Variants in SHROOM2 observed in about 807,000 individuals in gnomAD.
SHROOM2 encodes the protein shroom family member 2.
Under a neutral mutation model 75.9 loss-of-function variants are expected in SHROOM2, and 33 were observed. That is an observed-to-expected ratio of 0.43 (90% CI 0.33 to 0.58). The LOEUF (loss-of-function observed/expected upper bound fraction) is 0.58. Among genes scored for constraint, SHROOM2 ranks in the 20% least tolerant of loss-of-function variants. SHROOM2 has a pLI of 0.04. For missense variants in SHROOM2, 1,434 were observed against 1,461.2 expected, an observed-to-expected ratio of 0.98 and a Z score of 0.30; for synonymous variants, 655 against 663.6, an observed-to-expected ratio of 0.99 and a Z score of 0.20.
chrX:9,943,898 T>G (rs1333681440), intron 8 of SHROOM2, among the ~76,000 whole-genome samples: 1 of 111,287 alleles, frequency 9.0e-6, no homozygotes, highest in Non-Finnish European at 1.9e-5. Flanking sequence ...TTTTAATTGC[T>G]AGGCCAGGCC....
Position 9,903,852 on chromosome X carries a change from T to TA in SHROOM2, c.2891+5563dup, listed in dbSNP as rs201193798. Among the ~76,000 whole-genome samples, 1,036 of 111,619 alleles carry TA rather than the reference T, an allele frequency of 9.3e-3. 15 individuals are homozygous for TA. Among genetic ancestry groups the TA allele is most frequent in the African/African-American group, 0.031 (950 of 30,675 alleles). On this transcript the variant is annotated intron_variant, in intron 5 of 9. Coordinates refer to ENST00000380913, the MANE Select transcript of SHROOM2 (RefSeq NM_001649.4). ...GAGCCACCACACCTGGCCTTGTTTT[T>TA]ATGCCTTACTTTGCAACTACAATTT...
At chrX:9,934,322 C>T (rs1003573168) in intron 6 of SHROOM2, among the ~76,000 whole-genome samples, 13 of 111,223 alleles carry the variant, frequency 1.2e-4, no homozygotes, top group Non-Finnish European at 2.3e-4. Context: ...AATTTTTTTT[C>T]TTAGCTTCTA....
intron 2 of SHROOM2, 86 bp downstream of exon 2, chrX:9,873,889 A>G (rs866150686): frequency 5.0e-5 from 50 of 992,504 alleles, no homozygotes; most frequent in Middle Eastern, 6.3e-4. Context: ...TCCTGCCCAC[A>G]TCACTACAGA....
Position 9,842,285 on chromosome X carries a change from T to C in SHROOM2, c.166-31367T>C, listed in dbSNP as rs1193433673. ...CACGATTGCTGCATTTAGAAAACTT[T>C]TAAAATTTTATTTAAAAAAATAGAT... On this transcript the variant is annotated intron_variant, in intron 1 of 9. Coordinates refer to ENST00000380913, the MANE Select transcript of SHROOM2 (RefSeq NM_001649.4). 2.7e-5 allele frequency among the ~76,000 whole-genome samples: 3 copies of C among 112,720 alleles called. No individual in the cohort carries two copies. In the Admixed American group the frequency reaches 2.8e-4, roughly 11 times the overall value.
chrX:9,925,092 C>T (rs1010123588), intron 5 of SHROOM2, among the ~76,000 whole-genome samples: 10 of 111,845 alleles, frequency 8.9e-5, no homozygotes, highest in African/African-American at 1.3e-4. Flanking sequence ...TGGGCTCCAT[C>T]GCCTTCCCCA....
chrX:9,791,912 T>G (rs1283949428), intron 1 of SHROOM2, among the ~76,000 whole-genome samples: 1 of 107,248 alleles, frequency 9.3e-6, no homozygotes, highest in East Asian at 2.9e-4. Context: ...AGGCAGAGGT[T>G]GTGGTGAGCT....
At chrX:9,897,467 C>G (rs1300636505) in intron 4 of SHROOM2, among the ~76,000 whole-genome samples, 1 of 106,570 alleles carries the variant, frequency 9.4e-6, no homozygotes, top group Non-Finnish European at 1.9e-5. Flanking sequence ...ATTTGCAGTT[C>G]TAGTACTTTG....
chrX:9,896,383 G>T lies in SHROOM2; in HGVS notation c.2475G>T (p.Lys825Asn). The change falls in exon 4 of 10, where the codon AAG becomes AAT. Residue 825 changes from lysine to asparagine, a missense_variant. Coordinates refer to ENST00000380913, the MANE Select transcript of SHROOM2 (RefSeq NM_001649.4). ...CTCTTCACGGAATCCCGAGAGACAAGCCAGAGAGGCCGCGGACAGCGGGCC... is the reference window on the plus strand; with the variant it reads ...CTCTTCACGGAATCCCGAGAGACAATCCAGAGAGGCCGCGGACAGCGGGCC... Reference protein sequence around the residue: ...KQALHGIPRDKPERPRTAGRT... With the variant: ...KQALHGIPRDNPERPRTAGRT... 8.2e-7 allele frequency: 1 copy of T among 1,212,437 alleles called. No individual in the cohort carries two copies. Among genetic ancestry groups the T allele is most frequent in the Non-Finnish European group, 1.1e-6 (1 of 895,700 alleles).
chrX:9,935,445 G>T (rs900545817), intron 6 of SHROOM2, among the ~76,000 whole-genome samples: 1 of 111,023 alleles, frequency 9.0e-6, no homozygotes, highest in Non-Finnish European at 1.9e-5. Flanking sequence ...CTCCCACAGT[G>T]CTGGGATTCC....
At chrX:9,862,086 A>G (rs146940926) in intron 1 of SHROOM2, among the ~76,000 whole-genome samples, 66 of 112,473 alleles carry the variant, frequency 5.9e-4, no homozygotes, top group Middle Eastern at 4.6e-3. Context: ...ACAGTTGCAC[A>G]GAGATCGTGT....
chrX:9,895,622 G>A lies in SHROOM2; in HGVS notation c.1714G>A (p.Ala572Thr). 1 of 1,163,950 alleles carries A rather than the reference G, an allele frequency of 8.6e-7. No homozygotes were observed. Residue 572 changes from alanine (A) to threonine (T), a missense_variant, in exon 4 of 10, where the codon GCA becomes ACA. Physicochemically the swap from Ala to Thr is moderately conservative, Grantham distance 58. This residue lies in a region of SHROOM2 where 1,340 missense variants were observed against 1,338.3 expected (regional missense o/e 1.00). Coordinates refer to ENST00000380913, the MANE Select transcript of SHROOM2 (RefSeq NM_001649.4). ...SQRLAASITW[A>T]DGESSRICPQ... Reference sequence around the variant, plus strand: ...GAGGCTGGCAGCCAGCATCACGTGGGCAGATGGGGAGAGCAGCAGGATCTG... The same window carrying A: ...GAGGCTGGCAGCCAGCATCACGTGGACAGATGGGGAGAGCAGCAGGATCTG...
At chrX:9,889,847 CAG>C (rs2084280783) in intron 2 of SHROOM2, among the ~76,000 whole-genome samples, 1 of 111,898 alleles carries the variant, frequency 8.9e-6, no homozygotes, top group South Asian at 3.8e-4. Context: ...TAAATAGACA[CAG>C]ATAAGCTGTC....
chrX:9,824,830 C>T (rs914290267), intron 1 of SHROOM2, among the ~76,000 whole-genome samples: 7 of 111,228 alleles, frequency 6.3e-5, no homozygotes, highest in African/African-American at 2.3e-4. Flanking sequence ...CTGTTTTCAC[C>T]ATCAGGACGT....
At chrX:9,852,279 C>G (rs2084045088) in intron 1 of SHROOM2, among the ~76,000 whole-genome samples, 1 of 112,763 alleles carries the variant, frequency 8.9e-6, no homozygotes, top group African/African-American at 3.2e-5. Context: ...TAGATTTTTT[C>G]CCCATGCTTT....
At chrX:9,846,114 T>G (rs191386668) in intron 1 of SHROOM2, among the ~76,000 whole-genome samples, 106 of 107,974 alleles carry the variant, frequency 9.8e-4, no homozygotes, top group African/African-American at 3.5e-3. Flanking sequence ...AACCTCAGTT[T>G]GTTTGGTTTT....
intron 3 of SHROOM2, 47 bp downstream of exon 3, chrX:9,891,155 G>A (rs1345332186): frequency 5.2e-6 from 6 of 1,153,204 alleles, no homozygotes; most frequent in African/African-American, 1.8e-5. Context: ...TCAGCCTTCT[G>A]CAGGGAGCGC....
intron 5 of SHROOM2, among the ~76,000 whole-genome samples, chrX:9,926,064 G>A (rs1240638250): frequency 8.9e-6 from 1 of 111,811 alleles, no homozygotes; most frequent in Non-Finnish European, 1.9e-5. Context: ...TAGGTGCTCA[G>A]CAGGTGCCTG....
rs746183969 is a variant in SHROOM2, at chrX:9,896,107, C to T, written c.2199C>T (p.Ala733=). 1.7e-6 allele frequency: 2 copies of T among 1,210,047 alleles called. No homozygotes were observed. Among genetic ancestry groups the T allele is most frequent in the African/African-American group, 3.4e-5 (2 of 57,973 alleles). The change falls in exon 4 of 10, where the codon GCC becomes GCT. Residue 733 remains alanine (A), a synonymous_variant. Transcript: ENST00000380913. ...TVPHFWEAGL[A]QPPSSTSGGP... ...CCCACTTCTGGGAGGCAGGCCTGGC[C>T]CAGCCACCCTCATCTACAAGTGGCG...
At chrX:9,837,338 G>A (rs1035840130) in intron 1 of SHROOM2, among the ~76,000 whole-genome samples, 1 of 112,786 alleles carries the variant, frequency 8.9e-6, no homozygotes, top group Non-Finnish European at 1.9e-5. Context: ...TTTTAAAAAC[G>A]TGTTTCATGT....
Sources: gnomAD v4.1 joint callset for allele counts (sites outside exome capture counted in the v4.1 genomes callset) on GRCh38, gnomAD v4.1.1 for gene constraint, gnomAD v4.1.1 regional missense constraint, MANE v1.5 for transcripts, NCBI Gene and HGNC (gene_info 2026-07-23, HGNC 2026-07-21) for gene names.